HS3ST2: variants seen among roughly 807,000 people sequenced by gnomAD.
HS3ST2 encodes heparan sulfate-glucosamine 3-sulfotransferase 2, also known as heparan sulfate glucosamine 3-O-sulfotransferase 2.
In HS3ST2, 17 loss-of-function variants were observed where a neutral mutation model predicts 26.3. The ratio of observed to expected loss-of-function variants is 0.65; its 90% CI spans 0.44 to 0.97. The LOEUF is 0.97. HS3ST2 is among the 50% of genes least tolerant of loss of function. The probability of loss-of-function intolerance (pLI) is 0.00; values close to 1 mark genes in which losing one functional copy is unlikely to be tolerated. For synonymous variants in HS3ST2, 237 were observed against 219.2 expected, an observed-to-expected ratio of 1.08 and a Z score of -0.72; for missense variants, 402 against 501.2, an observed-to-expected ratio of 0.80 and a Z score of 1.89.
At chr16:22,867,867 G>A (rs1901778569) in intron 1 of HS3ST2, among the ~76,000 whole-genome samples, 1 of 152,150 alleles carries the variant, frequency 6.6e-6, no homozygotes. Context: ...GTTTAGTATA[G>A]TTTTATTTGA....
chr16:22,816,478 T>G (rs1328676730), intron 1 of HS3ST2, among the ~76,000 whole-genome samples: 1 of 152,226 alleles, frequency 6.6e-6, no homozygotes, highest in African/African-American at 2.4e-5. Context: ...TGGTTGTAGT[T>G]GTGGGGACGA....
At chr16:22,825,171 C>T (rs1369799726) in intron 1 of HS3ST2, among the ~76,000 whole-genome samples, 1 of 152,170 alleles carries the variant, frequency 6.6e-6, no homozygotes, top group Non-Finnish European at 1.5e-5. Flanking sequence ...AGTGTGTGTG[C>T]CAACCAGAGG....
chr16:22,846,393 C>T (rs1456837864), intron 1 of HS3ST2, among the ~76,000 whole-genome samples: 2 of 152,092 alleles, frequency 1.3e-5, no homozygotes, highest in East Asian at 1.9e-4. Flanking sequence ...TCTTTGCTCT[C>T]ACCTCTAATG....
intron 1 of HS3ST2, among the ~76,000 whole-genome samples, chr16:22,819,709 T>C (rs182734551): frequency 3.2e-4 from 48 of 152,372 alleles, no homozygotes; most frequent in Non-Finnish European, 4.4e-4. Flanking sequence ...TTGTTCAGCA[T>C]CGATGATGTT....
intron 1 of HS3ST2, among the ~76,000 whole-genome samples, chr16:22,817,193 C>A (rs1002194575): frequency 2.0e-5 from 3 of 152,106 alleles, no homozygotes; most frequent in African/African-American, 7.2e-5. Context: ...TAACATCAAG[C>A]ATGCTGACAG....
At position 22,814,778 on chromosome 16, in the gene HS3ST2, C is replaced by G. The variant is rs760274453; in HGVS notation, c.168C>G (p.Leu56=). 2 of 1,602,416 alleles carry G rather than the reference C, an allele frequency of 1.2e-6. No individual in the cohort carries two copies. Residue 56 remains leucine (L), a synonymous_variant, in exon 1 of 2, where the codon CTC becomes CTG. Coordinates refer to ENST00000261374, the MANE Select transcript of HS3ST2 (RefSeq NM_006043.2). ...RSRLLGAPRC[L]RGPSAGGQKL... ...GCCTCCTCGGCGCGCCTCGCTGCCTCCGCGGCCCCAGCGCGGGCGGCCAGA... is the reference window on the plus strand; with the variant it reads ...GCCTCCTCGGCGCGCCTCGCTGCCTGCGCGGCCCCAGCGCGGGCGGCCAGA...
At chr16:22,818,691 CCTGCCTTCCTTCCT>C (rs1382514495) in intron 1 of HS3ST2, among the ~76,000 whole-genome samples, 7 of 123,912 alleles carry the variant, frequency 5.6e-5, no homozygotes, top group African/African-American at 2.8e-4. Flanking sequence ...TCCCTCCTTG[CCTGCCTTCCTTCCT>C]TCCCTCCTTC....
intron 1 of HS3ST2, among the ~76,000 whole-genome samples, chr16:22,904,019 C>A (rs1325322601): frequency 6.6e-6 from 1 of 152,156 alleles, no homozygotes; most frequent in Non-Finnish European, 1.5e-5. Context: ...AATAATCAAA[C>A]AACTGGCTGA....
At chr16:22,846,881 C>G (rs1002887360) in intron 1 of HS3ST2, among the ~76,000 whole-genome samples, 2 of 152,164 alleles carry the variant, frequency 1.3e-5, no homozygotes, top group Non-Finnish European at 2.9e-5. Flanking sequence ...CCATCTCTGG[C>G]AGAGTCAGGA....
chr16:22,889,003 T>C (rs1308740386), intron 1 of HS3ST2, among the ~76,000 whole-genome samples: 1 of 152,216 alleles, frequency 6.6e-6, no homozygotes, highest in Non-Finnish European at 1.5e-5. Context: ...GGACAGTGCA[T>C]AGAACAAACA....
intron 1 of HS3ST2, among the ~76,000 whole-genome samples, chr16:22,869,969 A>G (rs1901811045): frequency 6.6e-6 from 1 of 152,216 alleles, no homozygotes; most frequent in Admixed American, 6.5e-5. Flanking sequence ...ATGTAGATTG[A>G]ACACTTACTA....
chr16:22,831,253 A>G (rs1355168718), intron 1 of HS3ST2, among the ~76,000 whole-genome samples: 1 of 152,216 alleles, frequency 6.6e-6, no homozygotes, highest in African/African-American at 2.4e-5. Flanking sequence ...AGTGGTACAT[A>G]TCCCACATCT....
At chr16:22,913,140 AAGGAAGGAAGGGAGGG>A (rs1902444778) in intron 1 of HS3ST2, among the ~76,000 whole-genome samples, 1 of 98,270 alleles carries the variant, frequency 1.0e-5, no homozygotes, top group African/African-American at 4.4e-5. Context: ...GGAAGGAAGG[AAGGAAGGAAGGGAGGG>A]AGGGAGGGAG....
intron 1 of HS3ST2, among the ~76,000 whole-genome samples, chr16:22,863,485 G>C (rs1218376539): frequency 6.6e-6 from 1 of 152,182 alleles, no homozygotes; most frequent in East Asian, 1.9e-4. Flanking sequence ...TTGTTACCTG[G>C]GTATATTGTG....
intron 1 of HS3ST2, among the ~76,000 whole-genome samples, chr16:22,868,489 T>C (rs530560703): frequency 6.6e-6 from 1 of 151,916 alleles, no homozygotes; most frequent in Non-Finnish European, 1.5e-5. Context: ...GTGGGAATGA[T>C]TATACAAGAT....
intron 1 of HS3ST2, among the ~76,000 whole-genome samples, chr16:22,863,325 G>A (rs1003358050): frequency 6.6e-6 from 1 of 152,194 alleles, no homozygotes; most frequent in Non-Finnish European, 1.5e-5. Flanking sequence ...CCACACATGT[G>A]GGTGTCCTCT....
chr16:22,894,594 G>T (rs1337559865), intron 1 of HS3ST2, among the ~76,000 whole-genome samples: 1 of 151,992 alleles, frequency 6.6e-6, no homozygotes, highest in African/African-American at 2.4e-5. Context: ...TAAGTCCAAT[G>T]CCTCTCACAA....
chr16:22,852,940 T>C (rs1901537883), intron 1 of HS3ST2, among the ~76,000 whole-genome samples: 1 of 137,348 alleles, frequency 7.3e-6, no homozygotes, highest in African/African-American at 3.2e-5. Context: ...GGGTTCTGAC[T>C]AATCTCACGA....
intron 1 of HS3ST2, among the ~76,000 whole-genome samples, chr16:22,892,110 TAAAA>T (rs55853160): frequency 1.8e-5 from 2 of 113,654 alleles, no homozygotes; most frequent in Non-Finnish European, 1.8e-5. Context: ...CCATCTCTAC[TAAAA>T]AAAAAAAAAA....
Sources: gnomAD v4.1 joint callset for allele counts (sites outside exome capture counted in the v4.1 genomes callset) on GRCh38, gnomAD v4.1.1 for gene constraint, MANE v1.5 for transcripts, NCBI Gene and HGNC (gene_info 2026-07-23, HGNC 2026-07-21) for gene names.